Variants in SLC8A1 observed in about 807,000 individuals in gnomAD.
The protein encoded by SLC8A1 is sodium/calcium exchanger 1.
SLC8A1 carries 18 observed loss-of-function variants against 68.3 expected under a neutral mutation model. The ratio of observed to expected loss-of-function variants is 0.26; its 90% CI spans 0.18 to 0.39. The LOEUF (loss-of-function observed/expected upper bound fraction) is 0.39. SLC8A1 is among the 10% of genes least tolerant of loss of function. The pLI is 1.00. For missense variants in SLC8A1, 985 were observed against 1,156.7 expected, an observed-to-expected ratio of 0.85 and a Z score of 2.15; for synonymous variants, 475 against 415.5, an observed-to-expected ratio of 1.14 and a Z score of -1.74.
chr2:40,438,639 C>T (rs1315280705), intron 1 of SLC8A1, among the ~76,000 whole-genome samples: 1 of 152,156 alleles, frequency 6.6e-6, no homozygotes, highest in African/African-American at 2.4e-5. Flanking sequence ...ATGACAACGG[C>T]TAGAGAATGT....
intron 1 of SLC8A1, among the ~76,000 whole-genome samples, chr2:40,480,896 G>A (rs1704584314): frequency 6.6e-6 from 1 of 152,274 alleles, no homozygotes; most frequent in South Asian, 2.1e-4. Context: ...CTTATTTTTT[G>A]AAGAGATTCG....
intron 6 of SLC8A1, among the ~76,000 whole-genome samples, chr2:40,146,926 G>A (rs1162182236): frequency 6.6e-6 from 1 of 152,140 alleles, no homozygotes; most frequent in Non-Finnish European, 1.5e-5. Flanking sequence ...GTATTGTAAA[G>A]GGCGTCAAGA....
chr2:40,500,126 T>TA (rs1559774643), intron 1 of SLC8A1, among the ~76,000 whole-genome samples: 1 of 151,882 alleles, frequency 6.6e-6, no homozygotes, highest in East Asian at 1.9e-4. Context: ...GCCAACTTTT[T>TA]AAAAAACAAA....
chr2:40,500,099 A>G (rs986972819), intron 1 of SLC8A1, among the ~76,000 whole-genome samples: 2 of 152,050 alleles, frequency 1.3e-5, no homozygotes, highest in Non-Finnish European at 2.9e-5. Flanking sequence ...CACATTAAAT[A>G]TATACCATCT....
chr2:40,223,337 A>G (rs896425405), intron 2 of SLC8A1, among the ~76,000 whole-genome samples: 3 of 152,066 alleles, frequency 2.0e-5, no homozygotes, highest in Non-Finnish European at 1.5e-5. Context: ...GGACACAGGG[A>G]GGGGAACATC....
At chr2:40,465,670 T>C (rs1212832483) in intron 1 of SLC8A1, among the ~76,000 whole-genome samples, 1 of 151,156 alleles carries the variant, frequency 6.6e-6, no homozygotes, top group Non-Finnish European at 1.5e-5. Flanking sequence ...TTTTAATATA[T>C]ATACATGGAA....
intron 6 of SLC8A1, among the ~76,000 whole-genome samples, chr2:40,140,981 A>G (rs1225027575): frequency 6.6e-6 from 1 of 152,244 alleles, no homozygotes; most frequent in Non-Finnish European, 1.5e-5. Flanking sequence ...GCCCATTGAC[A>G]TGTTTTAAAA....
At chr2:40,374,768 G>C (rs1004912480) in intron 2 of SLC8A1, among the ~76,000 whole-genome samples, 4 of 152,030 alleles carry the variant, frequency 2.6e-5, no homozygotes, top group African/African-American at 9.7e-5. Context: ...GATTATTCTA[G>C]AGGCTGATCC....
chr2:40,200,242 ATATATAT>A (rs2054052524), intron 2 of SLC8A1, among the ~76,000 whole-genome samples: 1 of 13,248 alleles, frequency 7.5e-5, no homozygotes, highest in Non-Finnish European at 2.2e-4. Context: ...ATATATAAAT[ATATATAT>A]ATATATATAT....
At chr2:40,329,690 G>A (rs1451437533) in intron 2 of SLC8A1, among the ~76,000 whole-genome samples, 1 of 152,156 alleles carries the variant, frequency 6.6e-6, no homozygotes, top group Non-Finnish European at 1.5e-5. Context: ...GCACATTCAA[G>A]TTCTTGTTTT....
intron 2 of SLC8A1, among the ~76,000 whole-genome samples, chr2:40,399,838 C>A (rs1232553282): frequency 2.0e-5 from 3 of 152,054 alleles, no homozygotes; most frequent in African/African-American, 7.2e-5. Flanking sequence ...TGCCTTATGC[C>A]CAATTCCTGC....
intron 2 of SLC8A1, among the ~76,000 whole-genome samples, chr2:40,295,684 T>C (rs1286504464): frequency 2.0e-5 from 3 of 152,210 alleles, no homozygotes; most frequent in South Asian, 2.1e-4. Context: ...TCATGAAGTA[T>C]TGACGCTGGA....
intron 2 of SLC8A1, among the ~76,000 whole-genome samples, chr2:40,253,293 T>C (rs896815217): frequency 6.9e-6 from 1 of 144,348 alleles, no homozygotes; most frequent in Non-Finnish European, 1.5e-5. Context: ...TATATGTGTA[T>C]ATACACATAT....
intron 6 of SLC8A1, among the ~76,000 whole-genome samples, chr2:40,140,713 T>C (rs942350627): frequency 6.6e-6 from 1 of 152,250 alleles, no homozygotes; most frequent in Non-Finnish European, 1.5e-5. Context: ...AATTCATGCA[T>C]CTTTGTGTCC....
At chr2:40,396,110 A>G (rs1686813222) in intron 2 of SLC8A1, among the ~76,000 whole-genome samples, 1 of 152,176 alleles carries the variant, frequency 6.6e-6, no homozygotes, top group Admixed American at 6.5e-5. Context: ...ACACCCTTAA[A>G]GGAATGTATC....
chr2:40,227,787 C>G (rs1411451500), intron 2 of SLC8A1, among the ~76,000 whole-genome samples: 1 of 151,940 alleles, frequency 6.6e-6, no homozygotes, highest in African/African-American at 2.4e-5. Flanking sequence ...GTCATATGCC[C>G]AGGACTAAGG....
At chr2:40,309,690 G>T (rs894174067) in intron 2 of SLC8A1, among the ~76,000 whole-genome samples, 1 of 151,938 alleles carries the variant, frequency 6.6e-6, no homozygotes, top group Admixed American at 6.6e-5. Flanking sequence ...ATTTTCAGTA[G>T]AGACAGGGTT....
intron 6 of SLC8A1, among the ~76,000 whole-genome samples, chr2:40,140,546 C>T (rs2041356893): frequency 6.6e-6 from 1 of 152,232 alleles, no homozygotes; most frequent in Admixed American, 6.5e-5. Flanking sequence ...TGATCAGTCC[C>T]ACTGAATCAG....
intron 2 of SLC8A1, chr2:40,178,411 G>A: frequency 6.2e-7 from 1 of 1,613,976 alleles, no homozygotes; most frequent in Non-Finnish European, 8.5e-7. Flanking sequence ...ATCTCCACCA[G>A]GCGGGGCTCT....
Sources: gnomAD v4.1 joint callset for allele counts (sites outside exome capture counted in the v4.1 genomes callset) on GRCh38, gnomAD v4.1.1 for gene constraint, MANE v1.5 for transcripts, NCBI Gene and HGNC (gene_info 2026-07-23, HGNC 2026-07-21) for gene names.